The following KLF13 variants were observed in gnomAD, a reference collection of about 807,000 sequenced individuals.
KLF13 encodes the protein Krueppel-like factor 13.
A neutral mutation model predicts 16.7 loss-of-function variants in KLF13; 8 were observed. That is an observed-to-expected ratio of 0.48 (90% CI 0.28 to 0.87). KLF13 has a LOEUF of 0.87. Among genes scored for constraint, KLF13 ranks in the 40% least tolerant of loss-of-function variants. The probability of loss-of-function intolerance (pLI) is 0.10; values close to 1 mark genes in which losing one functional copy is unlikely to be tolerated. For synonymous variants in KLF13, 245 were observed against 208.4 expected (o/e 1.18, Z -1.51); for missense variants, 447 against 452.2 (o/e 0.99, Z 0.10).
upstream of KLF13, among the ~76,000 whole-genome samples, chr15:31,391,604 C>A (rs1342182739): frequency 6.6e-6 from 1 of 151,720 alleles, no homozygotes; most frequent in African/African-American, 2.4e-5. Flanking sequence ...CCCCACCCCG[C>A]CCCCGCCCCC....
In KLF13 at chr15:31,376,273, C is replaced by G. The variant is rs139593084; in HGVS notation, c.*3974C>G. The G allele has an allele frequency of 6.7e-6, 1 of 149,722 alleles. No homozygotes were observed. The highest frequency in any genetic ancestry group is 1.5e-5 in the Non-Finnish European group (1 of 67,428). The allele number at this position is 149,722 out of a possible 1,614,324, so 9.3% of individuals were successfully genotyped here. On this transcript the variant is annotated 3_prime_UTR_variant, in exon 2 of 2. Coordinates refer to ENST00000307145, the MANE Select transcript of KLF13 (RefSeq NM_015995.4). ...GAGCAATAGTGTGGCCTTGTTTCTC[C>G]GCTTCTGGTTGTGGCTGTGTGTACA...
rs2039636354 is a variant in KLF13, at chr15:31,375,896, C to T, written c.*3597C>T. 6.6e-6 allele frequency: 1 copy of T among 152,298 alleles called. No individual in the cohort carries two copies. The highest frequency in any genetic ancestry group is 6.5e-5 in the Admixed American group (1 of 15,282). 9.4% of individuals were successfully genotyped at this position (152,298 alleles called of 1,614,324 possible). On this transcript the variant is annotated 3_prime_UTR_variant, in exon 2 of 2. Coordinates refer to ENST00000307145, the MANE Select transcript of KLF13 (RefSeq NM_015995.4). ...GAGTGCAAGATCGCCTCACTCCTAA[C>T]CCTGACTTTATTCCCAGGCCCCACA...
At chr15:31,328,739 C>T (rs902889432) in intron 1 of KLF13, among the ~76,000 whole-genome samples, 1 of 152,208 alleles carries the variant, frequency 6.6e-6, no homozygotes, top group African/African-American at 2.4e-5. Flanking sequence ...TGGCGGTTCC[C>T]TCCCCCCTTT....
chr15:31,398,055 G>C (rs926894331), intron 2 of KLF13, among the ~76,000 whole-genome samples: 1 of 152,186 alleles, frequency 6.6e-6, no homozygotes, highest in African/African-American at 2.4e-5. Context: ...GCCTAATAAG[G>C]AGCCTGCTAG....
At chr15:31,419,052 C>T (rs1264653972) in intron 1 of KLF13, among the ~76,000 whole-genome samples, 1 of 152,124 alleles carries the variant, frequency 6.6e-6, no homozygotes, top group Non-Finnish European at 1.5e-5. Context: ...CTGGTGAGGG[C>T]CTCAAGATGC....
At chr15:31,337,155 C>T (rs1284393630) in intron 1 of KLF13, among the ~76,000 whole-genome samples, 1 of 152,220 alleles carries the variant, frequency 6.6e-6, no homozygotes, top group Non-Finnish European at 1.5e-5. Flanking sequence ...GCCCCCATGT[C>T]CCTCTCCCAC....
chr15:31,404,989 G>A (rs117031536), downstream of KLF13, among the ~76,000 whole-genome samples: 1 of 152,218 alleles, frequency 6.6e-6, no homozygotes, highest in Non-Finnish European at 1.5e-5. Context: ...TACGAGTACT[G>A]TTTTGTAGTA....
At position 31,334,491 on chromosome 15, in the gene KLF13, A is replaced by C. The variant is rs549822339; in HGVS notation, c.577+6702A>C. Among the ~76,000 whole-genome samples, 408 of 151,916 alleles carry C rather than the reference A, an allele frequency of 2.7e-3. 2 individuals are homozygous for C. Among genetic ancestry groups the C allele is most frequent in the African/African-American group, 9.4e-3 (389 of 41,394 alleles). On this transcript the variant is annotated intron_variant, in intron 1 of 1. Transcript: ENST00000307145. Reference sequence around the variant, plus strand: ...CCCCCAGGCTGGAGTGCAATGGCACAATCTCGGCTCACTGCAACCTCCGCC... The same window carrying C: ...CCCCCAGGCTGGAGTGCAATGGCACCATCTCGGCTCACTGCAACCTCCGCC...
intron 1 of KLF13, among the ~76,000 whole-genome samples, chr15:31,434,276 G>C (rs2040504650): frequency 6.6e-6 from 1 of 152,220 alleles, no homozygotes; most frequent in Non-Finnish European, 1.5e-5. Flanking sequence ...ACATACAGCT[G>C]CCCACACAGT....
chr15:31,399,589 G>A (rs1009581008), intron 2 of KLF13, among the ~76,000 whole-genome samples: 2 of 152,234 alleles, frequency 1.3e-5, no homozygotes, highest in East Asian at 3.8e-4. Context: ...GCCTAGGCCT[G>A]CCCCCTCTAC....
intron 1 of KLF13, among the ~76,000 whole-genome samples, chr15:31,351,086 G>A (rs1342171378): frequency 6.6e-6 from 1 of 152,198 alleles, no homozygotes; most frequent in Non-Finnish European, 1.5e-5. Context: ...GTTGGGCCAA[G>A]GCCTGGGAAA....
chr15:31,363,239 G>A (rs2039416371), intron 1 of KLF13, among the ~76,000 whole-genome samples: 1 of 152,244 alleles, frequency 6.6e-6, no homozygotes, highest in Admixed American at 6.5e-5. Flanking sequence ...CCTGATGGAT[G>A]AGGTGGAGCA....
At chr15:31,410,804 C>T (rs915799204) in intron 1 of KLF13, among the ~76,000 whole-genome samples, 1 of 151,952 alleles carries the variant, frequency 6.6e-6, no homozygotes, top group African/African-American at 2.4e-5. Context: ...GAAAAATGAA[C>T]AAATACACAA....
At chr15:31,431,632 T>C (rs904421523) in intron 1 of KLF13, among the ~76,000 whole-genome samples, 1 of 152,112 alleles carries the variant, frequency 6.6e-6, no homozygotes, top group Non-Finnish European at 1.5e-5. Flanking sequence ...GTCCGGCTAA[T>C]TTTTTGTATT....
intron 1 of KLF13, among the ~76,000 whole-genome samples, chr15:31,334,478 A>T (rs2038892702): frequency 6.6e-6 from 1 of 151,416 alleles, no homozygotes; most frequent in Admixed American, 6.6e-5. Context: ...CCCAGGCTGG[A>T]GTGCAATGGC....
At chr15:31,363,585 C>T (rs2039420712) in intron 1 of KLF13, among the ~76,000 whole-genome samples, 1 of 152,260 alleles carries the variant, frequency 6.6e-6, no homozygotes. Flanking sequence ...CTCCCACGCT[C>T]AAGTGATTCT....
At chr15:31,413,198 AAAAAC>A (rs1407449528) in intron 1 of KLF13, among the ~76,000 whole-genome samples, 5 of 147,332 alleles carry the variant, frequency 3.4e-5, no homozygotes, top group East Asian at 4.0e-4. Context: ...AAAAAAAAAA[AAAAAC>A]AAAAAACAAA....
chr15:31,387,070 A>AT (rs1243861874), intron 1 of KLF13, among the ~76,000 whole-genome samples: 1 of 152,248 alleles, frequency 6.6e-6, no homozygotes, highest in Non-Finnish European at 1.5e-5. Context: ...TGCTGTGAAC[A>AT]TTGTTGAAAT....
At chr15:31,381,592 G>A (rs1433628337), downstream of KLF13, among the ~76,000 whole-genome samples, 1 of 152,148 alleles carries the variant, frequency 6.6e-6, no homozygotes, top group Non-Finnish European at 1.5e-5. Flanking sequence ...ACTCCCCTGA[G>A]CTGCAGGGAG....
Sources: allele counts gnomAD v4.1 joint callset (sites outside exome capture counted in the v4.1 genomes callset), GRCh38; gene constraint gnomAD v4.1.1; transcripts MANE v1.5; gene names NCBI Gene and HGNC (gene_info 2026-07-23, HGNC 2026-07-21).